Variants in SOS1 observed in about 807,000 individuals in gnomAD.
SOS1 encodes SOS Ras/Rac guanine nucleotide exchange factor 1, also known as son of sevenless homolog 1.
A neutral mutation model predicts 157.6 loss-of-function variants in SOS1; 25 were observed. The ratio of observed to expected loss-of-function variants is 0.16; its 90% confidence interval spans 0.12 to 0.22. The LOEUF (loss-of-function observed/expected upper bound fraction) is 0.22. SOS1 is among the 10% of genes least tolerant of loss of function. The probability of loss-of-function intolerance (pLI) is 1.00; values close to 1 mark genes in which losing one functional copy is unlikely to be tolerated. For missense variants in SOS1, 1,237 were observed against 1,599.1 expected, an observed-to-expected ratio of 0.77 and a Z score of 3.86; for synonymous variants, 528 against 534.0, an observed-to-expected ratio of 0.99 and a Z score of 0.16.
intron 10 of SOS1, among the ~76,000 whole-genome samples, chr2:39,016,669 C>T (rs1157895990): frequency 3.9e-5 from 6 of 152,038 alleles, no homozygotes. Flanking sequence ...ACAGAGTACT[C>T]CAAGCATCCT....
intron 1 of SOS1, among the ~76,000 whole-genome samples, chr2:39,103,145 T>A (rs1291166446): frequency 1.3e-5 from 2 of 152,154 alleles, no homozygotes; most frequent in African/African-American, 4.8e-5. Context: ...AATACGCTGC[T>A]GCAGAAAATT....
At chr2:39,026,228 G>A (rs573729014) in intron 8 of SOS1, among the ~76,000 whole-genome samples, 2 of 152,008 alleles carry the variant, frequency 1.3e-5, no homozygotes, top group East Asian at 1.9e-4. Flanking sequence ...GGTGGCACAC[G>A]CCTGTAGTCC....
intron 8 of SOS1, among the ~76,000 whole-genome samples, chr2:39,032,548 T>C (rs1320528599): frequency 1.3e-5 from 2 of 152,162 alleles, no homozygotes; most frequent in Non-Finnish European, 2.9e-5. Flanking sequence ...TGCCAGACAC[T>C]GTAATAGGTA....
chr2:39,045,795 G>T (rs905450633), intron 6 of SOS1, among the ~76,000 whole-genome samples: 2 of 152,044 alleles, frequency 1.3e-5, no homozygotes, highest in African/African-American at 2.4e-5. Flanking sequence ...CCGCAACTCC[G>T]CCTCCTGGCT....
At chr2:39,025,874 A>G (rs996475405) in intron 8 of SOS1, among the ~76,000 whole-genome samples, 2 of 152,232 alleles carry the variant, frequency 1.3e-5, no homozygotes, top group African/African-American at 4.8e-5. Flanking sequence ...AACCATTTTT[A>G]TTAAAATTTA....
At chr2:39,077,061 G>A (rs1672030084) in intron 1 of SOS1, among the ~76,000 whole-genome samples, 1 of 152,076 alleles carries the variant, frequency 6.6e-6, no homozygotes, top group African/African-American at 2.4e-5. Context: ...AACCTTTATG[G>A]GCTGGGCACA....
At chr2:39,090,813 A>G (rs1572885569) in intron 1 of SOS1, among the ~76,000 whole-genome samples, 2 of 152,186 alleles carry the variant, frequency 1.3e-5, no homozygotes, top group African/African-American at 4.8e-5. Flanking sequence ...AATTTTGTAA[A>G]AAATACAGCT....
In SOS1 at chr2:38,986,176, CGTG is replaced by C; in HGVS notation, c.3647_3649del (p.Pro1216del). ...AACATCAGGTGTCCTCACAGGTTCT[CGTG>C]GTGGTAATAAGGGAGGGCTTTCAGG... is the stretch of plus-strand genomic sequence containing the variant. On this transcript the variant is annotated inframe_deletion, in exon 23 of 23. Coordinates refer to ENST00000402219, the MANE Select transcript of SOS1 (RefSeq NM_005633.4). 1 of 1,613,650 alleles carries C rather than the reference CGTG, an allele frequency of 6.2e-7. No homozygotes were observed. The highest frequency in any genetic ancestry group is 8.5e-7 in the Non-Finnish European group (1 of 1,179,860).
At chr2:39,124,346 T>C (rs1449950294), upstream of SOS1, 1 of 152,292 alleles carries the variant, frequency 6.6e-6, no homozygotes, top group Admixed American at 6.5e-5. Context: ...GAGGCTTCTT[T>C]TCGCTTCCCT....
At chr2:39,101,740 T>C (rs1365447869) in intron 1 of SOS1, among the ~76,000 whole-genome samples, 1 of 152,062 alleles carries the variant, frequency 6.6e-6, no homozygotes, top group African/African-American at 2.4e-5. Flanking sequence ...TTACCAGCAG[T>C]ATATAGGGAA....
At chr2:39,120,272 G>C (rs909725587) in intron 1 of SOS1, 64 bp downstream of exon 1, 16 of 1,454,562 alleles carry the variant, frequency 1.1e-5, no homozygotes, top group African/African-American at 4.4e-5. Context: ...CGCCTCCCCA[G>C]CCCTTCCCCA....
At chr2:39,096,680 T>C (rs1672775803) in intron 1 of SOS1, among the ~76,000 whole-genome samples, 1 of 152,082 alleles carries the variant, frequency 6.6e-6, no homozygotes, top group South Asian at 2.1e-4. Flanking sequence ...GGTCAGGAGA[T>C]CGAGACCATC....
At chr2:39,013,279 G>T (rs540289447) in intron 13 of SOS1, among the ~76,000 whole-genome samples, 181 bp downstream of exon 13, 1 of 152,194 alleles carries the variant, frequency 6.6e-6, no homozygotes, top group African/African-American at 2.4e-5. Context: ...GATCAACAGG[G>T]TGACTTGAGC....
chr2:39,123,624 C>T (rs975582328), upstream of SOS1, among the ~76,000 whole-genome samples: 5 of 152,184 alleles, frequency 3.3e-5, 1 homozygote, highest in East Asian at 3.8e-4. Flanking sequence ...TCCCAAAGTG[C>T]TGGGACTACA....
intron 20 of SOS1, among the ~76,000 whole-genome samples, chr2:38,990,170 G>A (rs544719893): frequency 9.8e-4 from 132 of 135,216 alleles, no homozygotes; most frequent in South Asian, 6.1e-3. Flanking sequence ...TTCAGATTTC[G>A]TTTTTTTTTT....
At chr2:39,015,378 C>T (rs371848626) in intron 10 of SOS1, among the ~76,000 whole-genome samples, 1 of 152,108 alleles carries the variant, frequency 6.6e-6, no homozygotes, top group East Asian at 1.9e-4. Context: ...TGCTAAAAAT[C>T]TCACAACTAC....
At chr2:39,053,864 A>G (rs909967370) in intron 5 of SOS1, among the ~76,000 whole-genome samples, 1 of 151,844 alleles carries the variant, frequency 6.6e-6, no homozygotes, top group African/African-American at 2.4e-5. Flanking sequence ...TAATTACCAT[A>G]TTTTATTGCA....
chr2:39,088,967 G>C (rs1295763521), intron 1 of SOS1, among the ~76,000 whole-genome samples: 1 of 152,110 alleles, frequency 6.6e-6, no homozygotes, highest in African/African-American at 2.4e-5. Flanking sequence ...CCATATGGCT[G>C]TCCTTTGGTT....
intron 3 of SOS1, among the ~76,000 whole-genome samples, chr2:39,058,014 T>C (rs1451770300): frequency 1.3e-5 from 2 of 152,088 alleles, no homozygotes; most frequent in Non-Finnish European, 2.9e-5. Context: ...ACTCAGACAA[T>C]GTATACAAGT....
Sources: gnomAD v4.1 joint callset for allele counts (sites outside exome capture counted in the v4.1 genomes callset) on GRCh38, gnomAD v4.1.1 for gene constraint, MANE v1.5 for transcripts, NCBI Gene and HGNC (gene_info 2026-07-23, HGNC 2026-07-21) for gene names.